The following RPS6KC1 variants were observed in gnomAD, a reference collection of about 807,000 sequenced individuals.
RPS6KC1 encodes the protein ribosomal protein S6 kinase C1.
In RPS6KC1, 54 loss-of-function variants were observed where a neutral mutation model predicts 103.8. The observed-to-expected ratio is 0.52, with a 90% CI of 0.42 to 0.65. The LOEUF is 0.65. Ranked by LOEUF, RPS6KC1 falls within the 30% of genes least tolerant of loss-of-function variation. The pLI is 0.00. For missense variants in RPS6KC1, 1,151 were observed against 1,253.8 expected, an observed-to-expected ratio of 0.92 and a Z score of 1.24; for synonymous variants, 439 against 438.7, an observed-to-expected ratio of 1.00 and a Z score of -0.01.
At chr1:213,152,758 G>A (rs2147956884) in intron 6 of RPS6KC1, among the ~76,000 whole-genome samples, 1 of 151,600 alleles carries the variant, frequency 6.6e-6, no homozygotes, top group East Asian at 2.0e-4. Context: ...TTTCCAGACT[G>A]GGCAGCCAGG....
the RPS6KC1 span, among the ~76,000 whole-genome samples, chr1:213,495,956 T>G: frequency 2.6e-5 from 4 of 152,158 alleles, no homozygotes; most frequent in African/African-American, 9.7e-5. Context: ...ATTACCCTCT[T>G]AGAATTATTT....
chr1:213,761,430 CT>C, the RPS6KC1 span, among the ~76,000 whole-genome samples: 2 of 152,144 alleles, frequency 1.3e-5, no homozygotes, highest in Non-Finnish European at 2.9e-5. Context: ...TTAATAATCT[CT>C]CATAACTGGG....
the RPS6KC1 span, among the ~76,000 whole-genome samples, chr1:213,836,440 G>C: frequency 6.6e-6 from 1 of 152,102 alleles, no homozygotes; most frequent in African/African-American, 2.4e-5. Context: ...GCCATGATGT[G>C]TGTTAAAAGG....
At chr1:213,117,289 T>G (rs1429240516) in intron 4 of RPS6KC1, 28 bp from the exon 5 acceptor site, 2 of 1,336,532 alleles carry the variant, frequency 1.5e-6, no homozygotes, top group South Asian at 2.5e-5. Flanking sequence ...TTAATGCTAA[T>G]GAAACACAAT....
chr1:213,080,617 G>A (rs1411793968), intron 3 of RPS6KC1, among the ~76,000 whole-genome samples: 1 of 152,120 alleles, frequency 6.6e-6, no homozygotes, highest in African/African-American at 2.4e-5. Flanking sequence ...CTGTCACCCT[G>A]GGTGGAGTGC....
the RPS6KC1 span, among the ~76,000 whole-genome samples, chr1:213,477,887 C>G: frequency 6.6e-6 from 1 of 151,962 alleles, no homozygotes; most frequent in Non-Finnish European, 1.5e-5. Flanking sequence ...TATTACCAAC[C>G]AAAGTCTATT....
In RPS6KC1 at chr1:213,240,861, A is replaced by G; in HGVS notation, c.1385A>G (p.Asp462Gly). Reference sequence around the variant, plus strand: ...AGTAGCTTTGAATCCAGAGGAAGTGATGGTGGAAGCATGCTTAAAGCTCTG... The same window carrying G: ...AGTAGCTTTGAATCCAGAGGAAGTGGTGGTGGAAGCATGCTTAAAGCTCTG... ...DSSSFESRGS[D>G]GGSMLKALPL... The change falls in exon 11 of 15, where the codon GAT (aspartate) becomes GGT (glycine). Residue 462 changes from aspartate (D) to glycine (G), a missense_variant. Physicochemically the swap from Asp to Gly is moderately conservative, Grantham distance 94. Transcript: ENST00000366960. 6.2e-7 allele frequency: 1 copy of G among 1,613,924 alleles called. No homozygotes were observed. The highest frequency in any genetic ancestry group is 2.2e-5 in the East Asian group (1 of 44,882).
the RPS6KC1 span, among the ~76,000 whole-genome samples, chr1:213,533,636 G>A: frequency 6.6e-6 from 1 of 152,166 alleles, no homozygotes; most frequent in Non-Finnish European, 1.5e-5. Context: ...TTTCATACAA[G>A]GTTTTTTGGA....
At chr1:213,107,563 A>G (rs79674940) in intron 4 of RPS6KC1, among the ~76,000 whole-genome samples, 4,599 of 152,274 alleles carry the variant, frequency 0.03, 226 homozygotes, top group African/African-American at 0.1. Flanking sequence ...ATTGATGGAC[A>G]TGTTTGGATG....
chr1:213,393,195 C>G, the RPS6KC1 span, among the ~76,000 whole-genome samples: 1 of 152,174 alleles, frequency 6.6e-6, no homozygotes, highest in Non-Finnish European at 1.5e-5. Context: ...CATACTAATG[C>G]ATTAGTGAGC....
intron 3 of RPS6KC1, among the ~76,000 whole-genome samples, chr1:213,090,449 A>G (rs1180740797): frequency 6.6e-6 from 1 of 152,214 alleles, no homozygotes; most frequent in Non-Finnish European, 1.5e-5. Context: ...GTTAAGATTT[A>G]AAAGGTAGAG....
the RPS6KC1 span, among the ~76,000 whole-genome samples, chr1:213,656,622 A>T: frequency 3.9e-5 from 6 of 152,222 alleles, no homozygotes; most frequent in Non-Finnish European, 7.3e-5. Flanking sequence ...GCTGATCAGT[A>T]GGCAAGCCAG....
the RPS6KC1 span, among the ~76,000 whole-genome samples, chr1:213,290,144 C>CAAAAAAAA: frequency 2.9e-5 from 2 of 70,092 alleles, no homozygotes; most frequent in Admixed American, 2.0e-4. Flanking sequence ...GACTCCGTCT[C>CAAAAAAAA]AAAAAAAAAA....
chr1:213,416,513 G>A, the RPS6KC1 span, among the ~76,000 whole-genome samples: 3 of 152,232 alleles, frequency 2.0e-5, no homozygotes, highest in Admixed American at 1.3e-4. Flanking sequence ...GCGAGTGAAA[G>A]GGTAGCGTGA....
the RPS6KC1 span, among the ~76,000 whole-genome samples, chr1:213,346,180 A>G: frequency 6.6e-6 from 1 of 152,168 alleles, no homozygotes; most frequent in Non-Finnish European, 1.5e-5. Context: ...ATTTTTTTCT[A>G]AAGTCCAGCT....
chr1:213,543,386 G>A, the RPS6KC1 span, among the ~76,000 whole-genome samples: 9 of 152,178 alleles, frequency 5.9e-5, no homozygotes, highest in Non-Finnish European at 1.3e-4. Flanking sequence ...AACACAGGAA[G>A]ACAGAAGACA....
At chr1:213,526,588 G>A in the RPS6KC1 span, among the ~76,000 whole-genome samples, 2 of 152,126 alleles carry the variant, frequency 1.3e-5, no homozygotes, top group Admixed American at 1.3e-4. Flanking sequence ...AAATCTGTTG[G>A]AAAGAATGAT....
chr1:213,360,970 T>TG, the RPS6KC1 span, among the ~76,000 whole-genome samples: 1 of 152,210 alleles, frequency 6.6e-6, no homozygotes, highest in Non-Finnish European at 1.5e-5. Context: ...CTGCCCCTAC[T>TG]GGGGGGTGCC....
the RPS6KC1 span, among the ~76,000 whole-genome samples, chr1:213,783,832 A>G: frequency 4.0e-5 from 6 of 151,188 alleles, no homozygotes; most frequent in East Asian, 1.2e-3. Flanking sequence ...AAAAAAAAAA[A>G]AAAAAAAAAA....
Sources: gnomAD v4.1 joint callset for allele counts (sites outside exome capture counted in the v4.1 genomes callset) on GRCh38, gnomAD v4.1.1 for gene constraint, MANE v1.5 for transcripts, NCBI Gene and HGNC (gene_info 2026-07-23, HGNC 2026-07-21) for gene names.